Variants in DIAPH3 observed in about 807,000 individuals in gnomAD.
DIAPH3 encodes the protein protein diaphanous homolog 3.
DIAPH3 carries 117 observed loss-of-function variants against 144.3 expected under a neutral mutation model. The observed-to-expected ratio is 0.81, with a 90% confidence interval of 0.70 to 0.95. The LOEUF is 0.95. DIAPH3 is among the 40% of genes least tolerant of loss of function. The probability of loss-of-function intolerance (pLI) is 0.00; values close to 1 mark genes in which losing one functional copy is unlikely to be tolerated. For missense variants in DIAPH3, 1,421 were observed against 1,412.7 expected, an observed-to-expected ratio of 1.01 and a Z score of -0.09; for synonymous variants, 519 against 488.9, an observed-to-expected ratio of 1.06 and a Z score of -0.81.
intron 22 of DIAPH3, among the ~76,000 whole-genome samples, chr13:59,855,279 A>G (rs1415348294): frequency 6.6e-6 from 1 of 152,148 alleles, no homozygotes; most frequent in Non-Finnish European, 1.5e-5. Context: ...TACACTACAA[A>G]TATTTTTCAC....
intron 19 of DIAPH3, among the ~76,000 whole-genome samples, chr13:59,913,617 C>A (rs2047095061): frequency 6.6e-6 from 1 of 152,148 alleles, no homozygotes; most frequent in Admixed American, 6.5e-5. Context: ...AATGTCATTT[C>A]CCTTGTCAAA....
At chr13:60,073,657 T>A (rs1468393772) in intron 4 of DIAPH3, among the ~76,000 whole-genome samples, 1 of 152,232 alleles carries the variant, frequency 6.6e-6, no homozygotes, top group African/African-American at 2.4e-5. Context: ...TTGTAACACA[T>A]AGGTAAATGC....
intron 4 of DIAPH3, among the ~76,000 whole-genome samples, chr13:60,054,907 G>C (rs2056497865): frequency 6.6e-6 from 1 of 151,796 alleles, no homozygotes; most frequent in Non-Finnish European, 1.5e-5. Flanking sequence ...AATAAAATCT[G>C]TTATTCACAG....
At position 59,754,653 on chromosome 13, in the gene DIAPH3, G is replaced by C. The variant is rs534748056; in HGVS notation, c.3319+19536C>G. On this transcript the variant is annotated intron_variant, in intron 27 of 27. Coordinates refer to ENST00000400324, the MANE Select transcript of DIAPH3 (RefSeq NM_001042517.2). Reference sequence around the variant, plus strand: ...TTTACTTACAGAAAAATAAGCTCTAGTTTGTAAAAATGGAAGGTTCCACAT... The same window carrying C: ...TTTACTTACAGAAAAATAAGCTCTACTTTGTAAAAATGGAAGGTTCCACAT... 5.9e-5 allele frequency among the ~76,000 whole-genome samples: 9 copies of C among 152,256 alleles called. No individual in the cohort carries two copies. The East Asian group carries it at 1.7e-3, about 29-fold the overall frequency.
At chr13:59,722,810 C>T (rs2035410211) in intron 27 of DIAPH3, among the ~76,000 whole-genome samples, 1 of 152,146 alleles carries the variant, frequency 6.6e-6, no homozygotes, top group Admixed American at 6.5e-5. Flanking sequence ...GAGCGGGGAG[C>T]AAATGCCATG....
intron 17 of DIAPH3, among the ~76,000 whole-genome samples, chr13:59,929,714 C>T (rs1447042721): frequency 6.6e-6 from 1 of 151,496 alleles, no homozygotes; most frequent in Non-Finnish European, 1.5e-5. Context: ...CAGGCTCATG[C>T]CATTATGCCC....
chr13:59,841,547 T>C (rs2042345648), intron 22 of DIAPH3, among the ~76,000 whole-genome samples: 1 of 152,156 alleles, frequency 6.6e-6, no homozygotes, highest in Admixed American at 6.6e-5. Context: ...TGACCAGTCA[T>C]GGCACCAATG....
intron 23 of DIAPH3, among the ~76,000 whole-genome samples, chr13:59,834,821 T>C (rs2139735411): frequency 1.3e-5 from 2 of 151,916 alleles, no homozygotes; most frequent in Middle Eastern, 3.4e-3. Context: ...AATTACTTGA[T>C]GTTTTGGGAA....
chr13:59,736,017 T>A (rs1771132438), intron 27 of DIAPH3, among the ~76,000 whole-genome samples: 1 of 152,142 alleles, frequency 6.6e-6, no homozygotes, highest in South Asian at 2.1e-4. Context: ...ATTTAGCTCC[T>A]ACTTATAAGT....
At chr13:59,690,571 C>T (rs2033458283) in intron 27 of DIAPH3, among the ~76,000 whole-genome samples, 1 of 152,140 alleles carries the variant, frequency 6.6e-6, no homozygotes, top group South Asian at 2.1e-4. Context: ...GTTACAGCTA[C>T]ATTATGGGTT....
At chr13:59,897,712 C>A (rs887994006) in intron 20 of DIAPH3, among the ~76,000 whole-genome samples, 1 of 149,740 alleles carries the variant, frequency 6.7e-6, no homozygotes, top group African/African-American at 2.5e-5. Context: ...CACGCCATTG[C>A]ACTCCAGCCT....
In DIAPH3 at chr13:59,698,609, A is replaced by G. The variant is rs375423584; in HGVS notation, c.3320-31763T>C. 4.6e-5 allele frequency among the ~76,000 whole-genome samples: 7 copies of G among 152,344 alleles called. No individual in the cohort carries two copies. In the South Asian group the frequency reaches 1.0e-3, roughly 23 times the overall value. On this transcript the variant is annotated intron_variant, in intron 27 of 27. Coordinates refer to ENST00000400324, the MANE Select transcript of DIAPH3 (RefSeq NM_001042517.2). The stretch of plus-strand genomic sequence containing the variant: ...CTCTCTTGCATAAATATTAGAACAA[A>G]TGTGCAAAAAAGTTGCTAAATTAGT...
chr13:59,746,834 T>A (rs896672908), intron 27 of DIAPH3, among the ~76,000 whole-genome samples: 3 of 152,202 alleles, frequency 2.0e-5, no homozygotes, highest in Admixed American at 6.5e-5. Flanking sequence ...TCATTATGTA[T>A]AATTTATAAT....
At chr13:59,735,196 T>A (rs2036084977) in intron 27 of DIAPH3, among the ~76,000 whole-genome samples, 1 of 152,162 alleles carries the variant, frequency 6.6e-6, no homozygotes, top group South Asian at 2.1e-4. Flanking sequence ...TAGCACTGAA[T>A]ATTAATTGCA....
chr13:59,920,534 G>A (rs977794683), intron 18 of DIAPH3, among the ~76,000 whole-genome samples: 7 of 151,422 alleles, frequency 4.6e-5, no homozygotes, highest in African/African-American at 7.3e-5. Context: ...ATGTGTGTGC[G>A]TGTATATACA....
At chr13:59,687,075 A>G (rs940527871) in intron 27 of DIAPH3, among the ~76,000 whole-genome samples, 5 of 152,152 alleles carry the variant, frequency 3.3e-5, no homozygotes, top group African/African-American at 1.2e-4. Context: ...GTTAGAGATC[A>G]TCATGGGACA....
At chr13:60,121,329 C>T (rs974218924) in intron 2 of DIAPH3, among the ~76,000 whole-genome samples, 3 of 151,976 alleles carry the variant, frequency 2.0e-5, no homozygotes, top group Admixed American at 6.5e-5. Flanking sequence ...AAGGACACCA[C>T]GAATTCCACC....
rs2035688302 is a variant in DIAPH3, at chr13:59,727,936, CAA to C, written c.3319+46251_3319+46252del. On this transcript the variant is annotated intron_variant, in intron 27 of 27. Coordinates refer to ENST00000400324, the MANE Select transcript of DIAPH3 (RefSeq NM_001042517.2). ...TTCTAAGTCCTGCAGCAGGGTTTAACAACAACAACAAAAAGTCAAAATGGGCC... is the reference window on the plus strand; with the variant it reads ...TTCTAAGTCCTGCAGCAGGGTTTAACCAACAACAAAAAGTCAAAATGGGCC... 4.6e-5 allele frequency among the ~76,000 whole-genome samples: 7 copies of C among 151,964 alleles called. No homozygotes were observed. The South Asian group carries it at 1.5e-3, about 32-fold the overall frequency.
At chr13:60,007,662 A>G (rs1487107979) in intron 9 of DIAPH3, among the ~76,000 whole-genome samples, 1 of 152,176 alleles carries the variant, frequency 6.6e-6, no homozygotes, top group Non-Finnish European at 1.5e-5. Flanking sequence ...AGGTATTAGT[A>G]TTTTTTAAGA....
Sources: gnomAD v4.1 joint callset for allele counts (sites outside exome capture counted in the v4.1 genomes callset) on GRCh38, gnomAD v4.1.1 for gene constraint, MANE v1.5 for transcripts, NCBI Gene and HGNC (gene_info 2026-07-23, HGNC 2026-07-21) for gene names.